The following VPS53 variants were observed in gnomAD, a reference collection of about 807,000 sequenced individuals.
VPS53 encodes VPS53 subunit of GARP complex.
In VPS53, 70 loss-of-function variants were observed where a neutral mutation model predicts 107.0. That is an observed-to-expected ratio of 0.65 (90% CI 0.54 to 0.80). VPS53 has a LOEUF of 0.80. VPS53 is among the 30% of genes least tolerant of loss of function. The probability of loss-of-function intolerance (pLI) is 0.00; values close to 1 mark genes in which losing one functional copy is unlikely to be tolerated. For synonymous variants in VPS53, 409 were observed against 393.3 expected (o/e 1.04, Z -0.47); for missense variants, 917 against 1,049.4 (o/e 0.87, Z 1.74).
chr17:631,602 CCTAA>C lies in VPS53; in HGVS notation c.631_634del (p.Leu211AspfsTer37). 1 of 1,614,076 alleles carries C rather than the reference CCTAA, an allele frequency of 6.2e-7. No homozygotes were observed. Among genetic ancestry groups the C allele is most frequent in the Non-Finnish European group, 8.5e-7 (1 of 1,179,988 alleles). Reference sequence around the variant, plus strand: ...TTCAAAATCTGCCAGGATTTGCTGTCCTAACTCAGTCTGTGCAGCCTTCACTCTG... The same window carrying C: ...TTCAAAATCTGCCAGGATTTGCTGTCCTCAGTCTGTGCAGCCTTCACTCTG... On this transcript the variant is annotated frameshift_variant, in exon 8 of 22. Transcript: ENST00000437048. LOFTEE classifies it high-confidence loss of function.
chr17:517,525 C>T lies in VPS53; in HGVS notation c.*1603G>A. 1 of 398,318 alleles carries T rather than the reference C, an allele frequency of 2.5e-6. No homozygotes were observed. The highest frequency in any genetic ancestry group is 3.6e-5 in the East Asian group (1 of 28,062). 24.7% of individuals were successfully genotyped at this position (398,318 alleles called of 1,614,324 possible). A position where few individuals can be genotyped will look rare whatever the true frequency, so the allele number is the denominator to read the frequency against. ...GGATTTTAAGGAAATTTCCTCTATC[C>T]TGAAAACTTTTTGAGAAGGGGTCTT... On this transcript the variant is annotated 3_prime_UTR_variant, in exon 22 of 22. Transcript: ENST00000437048.
chr17:656,884 T>C (rs1218319434), intron 5 of VPS53: 3 of 1,565,410 alleles, frequency 1.9e-6, no homozygotes, highest in East Asian at 2.2e-5. Flanking sequence ...GAGAAATCCA[T>C]CGTTTGTTGC....
chr17:608,619 TTTC>T (rs1358520179), intron 11 of VPS53, among the ~76,000 whole-genome samples: 2 of 147,862 alleles, frequency 1.4e-5, no homozygotes, highest in East Asian at 2.0e-4. Flanking sequence ...TTTCTTTTCT[TTTC>T]TTTTTTTTTT....
chr17:633,865 A>G (rs1399685596), intron 7 of VPS53, among the ~76,000 whole-genome samples: 1 of 152,214 alleles, frequency 6.6e-6, no homozygotes, highest in Non-Finnish European at 1.5e-5. Context: ...GCACACGAGG[A>G]GGCAGCACAC....
chr17:588,016 T>C (rs1028812467), intron 12 of VPS53, among the ~76,000 whole-genome samples: 2 of 152,126 alleles, frequency 1.3e-5, no homozygotes, highest in Non-Finnish European at 2.9e-5. Context: ...ACGATTATTA[T>C]TACTTGTGGT....
chr17:552,353 C>T (rs1049206640), intron 16 of VPS53, among the ~76,000 whole-genome samples: 2 of 151,906 alleles, frequency 1.3e-5, no homozygotes, highest in Admixed American at 6.6e-5. Context: ...TTTGATTCTT[C>T]GTCAATAAGT....
At chr17:659,652 C>G (rs560602119) in intron 5 of VPS53, among the ~76,000 whole-genome samples, 10 of 152,106 alleles carry the variant, frequency 6.6e-5, no homozygotes, top group African/African-American at 2.2e-4. Flanking sequence ...TGCATCAAGT[C>G]CTAAATATTC....
chr17:574,721 C>T (rs914084459), intron 13 of VPS53, among the ~76,000 whole-genome samples: 15 of 152,112 alleles, frequency 9.9e-5, no homozygotes, highest in East Asian at 3.8e-4. Context: ...GTCCTGATCA[C>T]GCCTCTGTAC....
chr17:643,677 C>CGAGGACAACACTCATACTTGGAAAGT (rs1567701950), intron 7 of VPS53, among the ~76,000 whole-genome samples: 5 of 149,538 alleles, frequency 3.3e-5, no homozygotes, highest in Admixed American at 2.0e-4. Context: ...ACTTGGAAAG[C>CGAGGACAACACTCATACTTGGAAAGT]GAGGACAACA....
chr17:673,331 ACTGAGAGCTGTTG>A (rs1486141112), intron 4 of VPS53, among the ~76,000 whole-genome samples: 1 of 152,138 alleles, frequency 6.6e-6, no homozygotes. Context: ...CCCCGGCATC[ACTGAGAGCTGTTG>A]CTATGGAAAC....
chr17:509,592 C>T lies in VPS53; in HGVS notation c.*9536G>A. ...CTCCTCACTACTCACATATCGAATCCTGGCTCACCCCTCACTAGTCACGTA... is the reference window on the plus strand; with the variant it reads ...CTCCTCACTACTCACATATCGAATCTTGGCTCACCCCTCACTAGTCACGTA... On this transcript the variant is annotated 3_prime_UTR_variant, in exon 22 of 22. Transcript: ENST00000437048. The T allele has an allele frequency of 6.0e-6, 1 of 167,090 alleles. No individual in the cohort carries two copies. 10.4% of individuals were successfully genotyped at this position (167,090 alleles called of 1,614,324 possible).
intron 12 of VPS53, among the ~76,000 whole-genome samples, chr17:597,962 C>CTCTCCCTCTCCCCCCGG: frequency 7.1e-6 from 1 of 141,308 alleles, no homozygotes; most frequent in South Asian, 2.3e-4. Flanking sequence ...CTCCCTCTCC[C>CTCTCCCTCTCCCCCCGG]TCTCCCTCTC....
chr17:569,644 C>T (rs1485962983), intron 13 of VPS53, among the ~76,000 whole-genome samples: 1 of 152,028 alleles, frequency 6.6e-6, no homozygotes, highest in Non-Finnish European at 1.5e-5. Flanking sequence ...TTTGACTGGG[C>T]GCGGCAGCTC....
In VPS53 at chr17:520,851, A is replaced by G. The variant is rs1434539014; in HGVS notation, c.2223+750T>C. On this transcript the variant is annotated intron_variant, in intron 20 of 21. Coordinates refer to ENST00000437048, the MANE Select transcript of VPS53 (RefSeq NM_001128159.3). The surrounding 1 kb of genome is among the most constrained non-coding windows in gnomAD (Gnocchi z 4.4). ...CATGAGCTGCTTCACCCTCACCTAC[A>G]TGAGCTCTTCACCCTCACCTACATG... Among the ~76,000 whole-genome samples, 3 of 149,488 alleles carry G rather than the reference A, an allele frequency of 2.0e-5. No homozygotes were observed. Among genetic ancestry groups the G allele is most frequent in the Non-Finnish European group, 4.4e-5 (3 of 67,650 alleles).
intron 4 of VPS53, 63 bp from the exon 5 acceptor site, chr17:661,958 T>C (rs1971454943): frequency 1.5e-6 from 2 of 1,333,088 alleles, no homozygotes; most frequent in African/African-American, 1.5e-5. Flanking sequence ...TCACTAACTG[T>C]AATCAATGCT....
chr17:573,604 G>A (rs1267628366), intron 13 of VPS53, among the ~76,000 whole-genome samples: 3 of 152,280 alleles, frequency 2.0e-5, no homozygotes, highest in African/African-American at 7.2e-5. Flanking sequence ...CACTGTTCCT[G>A]AGCACCATTT....
rs1202033694 is a variant in VPS53, at chr17:517,544, G to A, written c.*1584C>T. ...TCTATCCTGAAAACTTTTTGAGAAGGGGTCTTGCTCTGTCACCCAGGCTGG... is the reference window on the plus strand; with the variant it reads ...TCTATCCTGAAAACTTTTTGAGAAGAGGTCTTGCTCTGTCACCCAGGCTGG... On this transcript the variant is annotated 3_prime_UTR_variant, in exon 22 of 22. Coordinates refer to ENST00000437048, the MANE Select transcript of VPS53 (RefSeq NM_001128159.3). 7.5e-6 allele frequency: 3 copies of A among 397,812 alleles called. No homozygotes were observed. The highest frequency in any genetic ancestry group is 6.2e-5 in the African/African-American group (3 of 48,590). The allele number at this position is 397,812 out of a possible 1,614,324, so 24.6% of individuals were successfully genotyped here.
chr17:634,484 G>A (rs1049427878), intron 7 of VPS53, among the ~76,000 whole-genome samples: 1 of 151,530 alleles, frequency 6.6e-6, no homozygotes, highest in Non-Finnish European at 1.5e-5. Flanking sequence ...CCATGCTGAT[G>A]TGCTGCACCC....
chr17:564,380 C>CA (rs1025416474), intron 13 of VPS53, among the ~76,000 whole-genome samples: 26 of 148,152 alleles, frequency 1.8e-4, no homozygotes, highest in Non-Finnish European at 2.4e-4. Flanking sequence ...ACTAAAAATA[C>CA]AAAAAAAAAA....
Sources: gnomAD v4.1 joint callset for allele counts (sites outside exome capture counted in the v4.1 genomes callset) on GRCh38, gnomAD v4.1.1 for gene constraint, Gnocchi (gnomAD v3.1) non-coding constraint, MANE v1.5 for transcripts, NCBI Gene and HGNC (gene_info 2026-07-23, HGNC 2026-07-21) for gene names.